SH3BP2: variants seen among roughly 807,000 people sequenced by gnomAD.
SH3BP2 encodes the protein SH3 domain-binding protein 2.
Under a neutral mutation model 56.2 loss-of-function variants are expected in SH3BP2, and 38 were observed. That is an observed-to-expected ratio of 0.68 (90% confidence interval 0.52 to 0.89). SH3BP2 has a LOEUF of 0.89. SH3BP2 is among the 40% of genes least tolerant of loss of function. The probability of loss-of-function intolerance (pLI) is 0.00; values close to 1 mark genes in which losing one functional copy is unlikely to be tolerated. For synonymous variants in SH3BP2, 346 were observed against 316.7 expected (o/e 1.09, Z -0.98); for missense variants, 748 against 762.6 (o/e 0.98, Z 0.23).
At chr4:2,819,450 A>T (rs1724184504) in intron 1 of SH3BP2, among the ~76,000 whole-genome samples, 1 of 151,932 alleles carries the variant, frequency 6.6e-6, no homozygotes, top group Admixed American at 6.5e-5. Flanking sequence ...AGTTTTCTTT[A>T]TGTATGTTTT....
intron 1 of SH3BP2, among the ~76,000 whole-genome samples, chr4:2,805,411 G>A (rs1723492280): frequency 6.6e-6 from 1 of 152,216 alleles, no homozygotes; most frequent in South Asian, 2.1e-4. Context: ...GATGGAAGAA[G>A]TGGGGTGCCT....
chr4:2,803,441 G>A (rs1267201486), intron 1 of SH3BP2, among the ~76,000 whole-genome samples: 1 of 152,242 alleles, frequency 6.6e-6, no homozygotes, highest in Non-Finnish European at 1.5e-5. Flanking sequence ...CTATGGCAGA[G>A]TGCTTGGGAG....
chr4:2,830,519 G>A (rs549332423), intron 8 of SH3BP2, among the ~76,000 whole-genome samples: 4 of 152,274 alleles, frequency 2.6e-5, no homozygotes, highest in African/African-American at 7.2e-5. Flanking sequence ...CTGCCAACAC[G>A]CCCGGCTAAT....
chr4:2,831,818 A>T lies in SH3BP2; in HGVS notation c.1351-105A>T. On this transcript the variant is annotated intron_variant, in intron 9 of 12. Transcript: ENST00000503393. This position sits in a 1 kb window ranked among gnomAD's most constrained non-coding sequence, Gnocchi z 4.1. ...ACCCGGGAGCCTAGGGGGACACAGC[A>T]CCATGTAAAGCCCCGGATCCCGGCA... The T allele has an allele frequency of 7.1e-7, 1 of 1,405,996 alleles. No homozygotes were observed. The highest frequency in any genetic ancestry group is 9.9e-7 in the Non-Finnish European group (1 of 1,008,684). The allele number at this position is 1,405,996 out of a possible 1,614,324, so 87.1% of individuals were successfully genotyped here.
chr4:2,829,887 C>G lies in SH3BP2; in HGVS notation c.981C>G (p.Thr327=). ...TSSAAIMATA[T]SRNCDKLKSF... ...GTGCTGCCATCATGGCCACTGCCAC[C>G]TCCAGAAACTGTGACAAACTCAAGT... The change falls in exon 8 of 13, where the codon ACC becomes ACG. Residue 327 remains threonine (T), a synonymous_variant. Coordinates refer to ENST00000503393, the MANE Select transcript of SH3BP2 (RefSeq NM_001122681.2). This position sits in a 1 kb window ranked among gnomAD's most constrained non-coding sequence, Gnocchi z 4.9. The G allele has an allele frequency of 6.2e-7, 1 of 1,613,962 alleles. No homozygotes were observed. The highest frequency in any genetic ancestry group is 8.5e-7 in the Non-Finnish European group (1 of 1,180,034).
Position 2,833,608 on chromosome 4 carries a change from G to A in SH3BP2, c.1549-89G>A, listed in dbSNP as rs527675423. The A allele has an allele frequency of 1.2e-5, 19 of 1,523,578 alleles. No individual in the cohort carries two copies. In the South Asian group the frequency reaches 2.2e-4, roughly 17 times the overall value. 94.4% of individuals were successfully genotyped at this position (1,523,578 alleles called of 1,614,324 possible). On this transcript the variant is annotated intron_variant, in intron 12 of 12. Transcript: ENST00000503393. ...GCCTGGTGATGCCGCTGTTGATGCT[G>A]CTGCCTTGTTTTACAGACGGGGAGA... is the stretch of plus-strand genomic sequence containing the variant.
intron 3 of SH3BP2, 66 bp downstream of exon 3, chr4:2,823,103 C>A: frequency 8.7e-7 from 1 of 1,146,776 alleles, no homozygotes; most frequent in Non-Finnish European, 1.3e-6. Context: ...CAGCAGAGCC[C>A]CAGCTGGGCC....
rs966551995 is a variant in SH3BP2 at position 2,839,430 on chromosome 4, A to G, written c.*5596A>G. ...AGCGATCTGCTGGCCTCAGCCTCCC[A>G]AAGTTGGGATTATAGGCGTGAGCTA... On this transcript the variant is annotated 3_prime_UTR_variant, in exon 13 of 13. Coordinates refer to ENST00000503393, the MANE Select transcript of SH3BP2 (RefSeq NM_001122681.2). 2 of 152,136 alleles carry G rather than the reference A, an allele frequency of 1.3e-5. No individual in the cohort carries two copies. Among genetic ancestry groups the G allele is most frequent in the African/African-American group, 4.8e-5 (2 of 41,432 alleles). The allele number at this position is 152,136 out of a possible 1,614,324, so 9.4% of individuals were successfully genotyped here.
At chr4:2,807,650 G>GC (rs1469794192) in intron 1 of SH3BP2, among the ~76,000 whole-genome samples, 3 of 152,200 alleles carry the variant, frequency 2.0e-5, no homozygotes, top group Non-Finnish European at 4.4e-5. Flanking sequence ...AGTGTCGGGG[G>GC]CCCAGGGCAG....
At chr4:2,825,223 G>A in intron 5 of SH3BP2, 27 bp downstream of exon 5, 5 of 1,554,682 alleles carry the variant, frequency 3.2e-6, no homozygotes, top group Non-Finnish European at 2.6e-6. Context: ...GGCATACCGG[G>A]CAGTGAGGGT....
rs1695981714 is a variant in SH3BP2, at chr4:2,818,186, G to A, written c.-4-2428G>A. ...TGCCCGCCCAGTCCCCCGCCGAGAG[G>A]GGAGGAGCCGGCGGCTGCCAGGCCA... is the stretch of plus-strand genomic sequence containing the variant. On this transcript the variant is annotated intron_variant, in intron 1 of 12. Coordinates refer to ENST00000503393, the MANE Select transcript of SH3BP2 (RefSeq NM_001122681.2). 12 of 986,708 alleles carry A rather than the reference G, an allele frequency of 1.2e-5. 1 individual carries two copies. The South Asian group carries it at 2.8e-4, about 23-fold the overall frequency. The allele number at this position is 986,708 out of a possible 1,614,324, so 61.1% of individuals were successfully genotyped here. A position where few individuals can be genotyped will look rare whatever the true frequency, so the allele number is the denominator to read the frequency against.
In SH3BP2 at chr4:2,831,797, G is replaced by A. The variant is rs1301587612; in HGVS notation, c.1350+118G>A. 37 of 1,350,424 alleles carry A rather than the reference G, an allele frequency of 2.7e-5. No homozygotes were observed. The highest frequency in any genetic ancestry group is 4.3e-5 in the African/African-American group (3 of 69,338). 83.7% of individuals were successfully genotyped at this position (1,350,424 alleles called of 1,614,324 possible). ...CTGAGCAAGGACCCCCCGAGAACCC[G>A]GGAGCCTAGGGGGACACAGCACCAT... is the stretch of plus-strand genomic sequence containing the variant. On this transcript the variant is annotated intron_variant, in intron 9 of 12. Coordinates refer to ENST00000503393, the MANE Select transcript of SH3BP2 (RefSeq NM_001122681.2). The surrounding 1 kb of genome is among the most constrained non-coding windows in gnomAD (Gnocchi z 4.1).
chr4:2,838,077 C>T lies in SH3BP2; in HGVS notation c.*4243C>T, dbSNP rs1320519752. 6.6e-6 allele frequency: 1 copy of T among 152,250 alleles called. No homozygotes were observed. Among genetic ancestry groups the T allele is most frequent in the African/African-American group, 2.4e-5 (1 of 41,454 alleles). 9.4% of individuals were successfully genotyped at this position (152,250 alleles called of 1,614,324 possible). ...GCCGTCTGCTTCTTCCCTGGCCCCA[C>T]TCTGAGGGGCTCAGAGCTGAGGCAG... is the stretch of plus-strand genomic sequence containing the variant. On this transcript the variant is annotated 3_prime_UTR_variant, in exon 13 of 13. Transcript: ENST00000503393.
At chr4:2,804,215 C>T (rs1032721040) in intron 1 of SH3BP2, among the ~76,000 whole-genome samples, 7 of 152,220 alleles carry the variant, frequency 4.6e-5, no homozygotes, top group African/African-American at 1.7e-4. Context: ...TCCTGTTCCT[C>T]ATCCGAGTCT....
chr4:2,830,233 C>A (rs1034628559), intron 8 of SH3BP2, 86 bp downstream of exon 8: 22 of 1,315,358 alleles, frequency 1.7e-5, no homozygotes, highest in Non-Finnish European at 2.2e-5. Context: ...CCACCTCGCT[C>A]CCCTGGCACT....
chr4:2,794,542 C>T (rs1005205428), intron 1 of SH3BP2, among the ~76,000 whole-genome samples: 1 of 152,164 alleles, frequency 6.6e-6, no homozygotes, highest in African/African-American at 2.4e-5. Flanking sequence ...GCCAGGCTCC[C>T]TTTGCCTGGC....
chr4:2,823,058 C>G (rs746383258), intron 3 of SH3BP2, 21 bp downstream of exon 3: 38 of 1,560,258 alleles, frequency 2.4e-5, no homozygotes, highest in Non-Finnish European at 3.3e-5. Context: ...GACCTGCCTG[C>G]TGACCTCGGG....
intron 1 of SH3BP2, among the ~76,000 whole-genome samples, chr4:2,815,115 A>G (rs2108717810): frequency 6.6e-6 from 1 of 152,332 alleles, no homozygotes; most frequent in East Asian, 1.9e-4. Context: ...CCCCAAGAGC[A>G]GCATGGTCAC....
At chr4:2,824,555 G>A (rs1432882578) in intron 3 of SH3BP2, 58 bp from the exon 4 acceptor site, 2 of 1,301,130 alleles carry the variant, frequency 1.5e-6, no homozygotes, top group Admixed American at 3.4e-5. Flanking sequence ...GGGGTGCTGT[G>A]GGAAGGCCAT....
Sources: allele counts gnomAD v4.1 joint callset (sites outside exome capture counted in the v4.1 genomes callset), GRCh38; gene constraint gnomAD v4.1.1; non-coding constraint Gnocchi (gnomAD v3.1); transcripts MANE v1.5; gene names NCBI Gene and HGNC (gene_info 2026-07-23, HGNC 2026-07-21).